Variants in KHK observed in about 807,000 individuals in gnomAD.
KHK encodes the protein ketohexokinase, also known as fructokinase.
A neutral mutation model predicts 36.0 loss-of-function variants in KHK; 37 were observed. The ratio of observed to expected loss-of-function variants is 1.03; its 90% CI spans 0.79 to 1.35. The LOEUF is 1.35. Ranked by LOEUF, KHK falls within the 40% of genes most tolerant of loss-of-function variation. The pLI is 0.00. For missense variants in KHK, 395 were observed against 391.9 expected (o/e 1.01, Z -0.07); for synonymous variants, 161 against 162.8 (o/e 0.99, Z 0.08).
At chr2:27,098,993 A>G (rs111414473) in intron 5 of KHK, 59 of 562,210 alleles carry the variant, frequency 1.0e-4, no homozygotes, top group African/African-American at 9.7e-4. Context: ...TGGGGCCAGG[A>G]GTTCAAGACC....
At chr2:27,095,005 C>T (rs1327522232) in intron 3 of KHK, 71 bp downstream of exon 3, 27 of 1,561,278 alleles carry the variant, frequency 1.7e-5, no homozygotes, top group Non-Finnish European at 2.4e-5. Flanking sequence ...TCACTCGCCA[C>T]CATGGGCATC....
intron 1 of KHK, among the ~76,000 whole-genome samples, chr2:27,089,978 G>A (rs1669891895): frequency 1.3e-5 from 2 of 152,128 alleles, no homozygotes; most frequent in African/African-American, 4.8e-5. Context: ...TCAGCATCCC[G>A]AGTAGCTGGG....
At chr2:27,087,643 T>A (rs1221137326) in intron 1 of KHK, among the ~76,000 whole-genome samples, 1 of 152,240 alleles carries the variant, frequency 6.6e-6, no homozygotes, top group Non-Finnish European at 1.5e-5. Context: ...CCCATTTTAC[T>A]GATAAGTATA....
chr2:27,098,732 G>C (rs923284179), intron 5 of KHK, among the ~76,000 whole-genome samples: 1 of 152,184 alleles, frequency 6.6e-6, no homozygotes, highest in Admixed American at 6.5e-5. Flanking sequence ...ATAGTTGTGG[G>C]AAAAACCAGC....
In KHK at chr2:27,100,507, G is replaced by GAATT; in HGVS notation, c.*758_*761dup. On this transcript the variant is annotated 3_prime_UTR_variant, in exon 8 of 8. Transcript: ENST00000260598. ...GAGGTCCGATCTGGAACACATATTGGAATTGGGGCCAACTCCAATATAGGG... is the reference window on the plus strand; with the variant it reads ...GAGGTCCGATCTGGAACACATATTGGAATTAATTGGGGCCAACTCCAATATAGGG... The GAATT allele has an allele frequency of 1.5e-6, 2 of 1,291,006 alleles. No homozygotes were observed. The highest frequency in any genetic ancestry group is 2.0e-6 in the Non-Finnish European group (2 of 988,846). 80.0% of individuals were successfully genotyped at this position (1,291,006 alleles called of 1,614,324 possible).
At chr2:27,093,671 A>G (rs992406588) in intron 2 of KHK, among the ~76,000 whole-genome samples, 1 of 152,148 alleles carries the variant, frequency 6.6e-6, no homozygotes, top group Non-Finnish European at 1.5e-5. Context: ...CAGGTGAGAA[A>G]AGCCAGGATG....
In KHK at chr2:27,100,619, G is replaced by C; in HGVS notation, c.*869G>C. 8.4e-7 allele frequency: 1 copy of C among 1,186,188 alleles called. No individual in the cohort carries two copies. Among genetic ancestry groups the C allele is most frequent in the Non-Finnish European group, 1.1e-6 (1 of 900,544 alleles). The allele number at this position is 1,186,188 out of a possible 1,614,324, so 73.5% of individuals were successfully genotyped here. A position where few individuals can be genotyped will look rare whatever the true frequency, so the allele number is the denominator to read the frequency against. The stretch of plus-strand genomic sequence containing the variant: ...TGGATTAAAATCTGCCATTTAATTA[G>C]CTGCATATCACCTTAGGGTACAGCA... On this transcript the variant is annotated 3_prime_UTR_variant, in exon 8 of 8. Transcript: ENST00000260598.
rs182984752 is a variant in KHK, at chr2:27,099,876, T to C, written c.*126T>C. Reference sequence around the variant, plus strand: ...GACAGATGCAAGCTGTGGGGAGGACTCTGCCTGTGTCCTGTGTTCCCCACA... The same window carrying C: ...GACAGATGCAAGCTGTGGGGAGGACCCTGCCTGTGTCCTGTGTTCCCCACA... On this transcript the variant is annotated 3_prime_UTR_variant, in exon 8 of 8. Coordinates refer to ENST00000260598, the MANE Select transcript of KHK (RefSeq NM_006488.3). The C allele has an allele frequency of 3.2e-6, 5 of 1,547,488 alleles. No homozygotes were observed. In the African/African-American group the frequency reaches 5.5e-5, roughly 17 times the overall value.
At chr2:27,092,286 G>A in intron 1 of KHK, 46 bp from the exon 2 acceptor site, 1 of 1,443,952 alleles carries the variant, frequency 6.9e-7, no homozygotes, top group East Asian at 2.3e-5. Flanking sequence ...GACTGTGCTT[G>A]GGATCAGCCT....
chr2:27,099,057 C>T lies in KHK; in HGVS notation c.565-139C>T. ...ATAAAGAAAAAAGAAAACCACGTTCCCGTGGGACAGTGAGATGCTACGTTG... is the reference window on the plus strand; with the variant it reads ...ATAAAGAAAAAAGAAAACCACGTTCTCGTGGGACAGTGAGATGCTACGTTG... On this transcript the variant is annotated intron_variant, in intron 5 of 7. Coordinates refer to ENST00000260598, the MANE Select transcript of KHK (RefSeq NM_006488.3). 3.6e-6 allele frequency: 3 copies of T among 827,360 alleles called. No homozygotes were observed. In the South Asian group the frequency reaches 4.0e-5, roughly 11 times the overall value. 51.3% of individuals were successfully genotyped at this position (827,360 alleles called of 1,614,324 possible). A position where few individuals can be genotyped will look rare whatever the true frequency, so the allele number is the denominator to read the frequency against.
Position 27,100,485 on chromosome 2 carries a change from G to A in KHK, c.*735G>A. On this transcript the variant is annotated 3_prime_UTR_variant, in exon 8 of 8. Coordinates refer to ENST00000260598, the MANE Select transcript of KHK (RefSeq NM_006488.3). ...ACAGAGTGTTGCTGTCCTCAGGGAG[G>A]TCCGATCTGGAACACATATTGGAAT... 1 of 1,290,994 alleles carries A rather than the reference G, an allele frequency of 7.7e-7. No homozygotes were observed. Among genetic ancestry groups the A allele is most frequent in the Non-Finnish European group, 1.0e-6 (1 of 988,860 alleles). The allele number at this position is 1,290,994 out of a possible 1,614,324, so 80.0% of individuals were successfully genotyped here. A position where few individuals can be genotyped will look rare whatever the true frequency, so the allele number is the denominator to read the frequency against.
In KHK at chr2:27,099,791, T is replaced by A; in HGVS notation, c.*41T>A. ...CCTCACACACCATGGAGACTACCATTGCGGCTGCATCGCCTTCTCCCCTCC... is the reference window on the plus strand; with the variant it reads ...CCTCACACACCATGGAGACTACCATAGCGGCTGCATCGCCTTCTCCCCTCC... On this transcript the variant is annotated 3_prime_UTR_variant, in exon 8 of 8. Transcript: ENST00000260598. The A allele has an allele frequency of 1.2e-6, 2 of 1,604,278 alleles. No homozygotes were observed. Among genetic ancestry groups the A allele is most frequent in the Non-Finnish European group, 1.7e-6 (2 of 1,175,550 alleles).
rs1322972154 is a variant in KHK, at chr2:27,097,583, C to T, written c.498C>T (p.Ile166=). 6.2e-7 allele frequency: 1 copy of T among 1,613,924 alleles called. No homozygotes were observed. Among genetic ancestry groups the T allele is most frequent in the East Asian group, 2.2e-5 (1 of 44,898 alleles). ...CCAGGCAGCCTCCAGAGCAGAAGAT[C>T]CGGGTGTCCGTGGAGGTGGAGAAGC... is the stretch of plus-strand genomic sequence containing the variant. The part of the protein sequence containing the change: ...HNTRQPPEQK[I]RVSVEVEKPR... The change falls in exon 5 of 8, where the codon ATC becomes ATT. Residue 166 remains isoleucine, a synonymous_variant. Coordinates refer to ENST00000260598, the MANE Select transcript of KHK (RefSeq NM_006488.3).
intron 1 of KHK, among the ~76,000 whole-genome samples, chr2:27,088,271 G>A (rs1474138749): frequency 1.3e-5 from 2 of 151,868 alleles, no homozygotes; most frequent in Non-Finnish European, 2.9e-5. Flanking sequence ...CATCCCAGCT[G>A]TATTTTAAAT....
chr2:27,097,097 C>CT (rs1670403771), intron 4 of KHK, among the ~76,000 whole-genome samples: 1 of 152,172 alleles, frequency 6.6e-6, no homozygotes, highest in Non-Finnish European at 1.5e-5. Context: ...TGGCGGATGT[C>CT]TGACTGCTTA....
intron 1 of KHK, among the ~76,000 whole-genome samples, chr2:27,091,448 G>C (rs561543662): frequency 1.3e-5 from 2 of 152,016 alleles, no homozygotes; most frequent in African/African-American, 4.8e-5. Context: ...GAAGTTTCGC[G>C]TACAAATATG....
chr2:27,088,639 G>A, intron 1 of KHK, among the ~76,000 whole-genome samples: 1 of 151,842 alleles, frequency 6.6e-6, no homozygotes, highest in East Asian at 1.9e-4. Context: ...GGCCATGCTG[G>A]TCTCAAACTT....
Position 27,087,377 on chromosome 2 carries a change from G to A in KHK, c.92+26G>A, listed in dbSNP as rs78454521. The A allele has an allele frequency of 3.6e-3, 5,544 of 1,519,044 alleles. 200 individuals are homozygous for A. The African/African-American group carries it at 0.069, about 19-fold the overall frequency. The allele number at this position is 1,519,044 out of a possible 1,614,324, so 94.1% of individuals were successfully genotyped here. A position where few individuals can be genotyped will look rare whatever the true frequency, so the allele number is the denominator to read the frequency against. ...GTAGGGGCGCCCAGGTCCCCTAGGGGACCCCAGGGGCTGCTGCAGTCCAGC... is the reference window on the plus strand; with the variant it reads ...GTAGGGGCGCCCAGGTCCCCTAGGGAACCCCAGGGGCTGCTGCAGTCCAGC... On this transcript the variant is annotated intron_variant, in intron 1 of 7. Coordinates refer to ENST00000260598, the MANE Select transcript of KHK (RefSeq NM_006488.3).
At position 27,100,376 on chromosome 2, in the gene KHK, G is replaced by A; in HGVS notation, c.*626G>A. The A allele has an allele frequency of 8.1e-7, 1 of 1,229,364 alleles. No individual in the cohort carries two copies. The highest frequency in any genetic ancestry group is 1.1e-6 in the Non-Finnish European group (1 of 933,292). The allele number at this position is 1,229,364 out of a possible 1,614,324, so 76.2% of individuals were successfully genotyped here. A position where few individuals can be genotyped will look rare whatever the true frequency, so the allele number is the denominator to read the frequency against. The stretch of plus-strand genomic sequence containing the variant: ...TTGTCCAGAAATACCTCCTCCCGCT[G>A]ACTGCCCCAGAGCCTGAAAGTCTCA... On this transcript the variant is annotated 3_prime_UTR_variant, in exon 8 of 8. Transcript: ENST00000260598.
Sources: allele counts gnomAD v4.1 joint callset (sites outside exome capture counted in the v4.1 genomes callset), GRCh38; gene constraint gnomAD v4.1.1; transcripts MANE v1.5; gene names NCBI Gene and HGNC (gene_info 2026-07-23, HGNC 2026-07-21).